Variants in LTAP1 observed in about 807,000 individuals in gnomAD.
LTAP1 encodes the protein HCV NS5A-transactivated protein 4.
chr1:154,218,178 A>G, the LTAP1 span, among the ~76,000 whole-genome samples: 2 of 152,196 alleles, frequency 1.3e-5, no homozygotes, highest in South Asian at 2.1e-4. Flanking sequence ...AATCTTGCAC[A>G]TGTTTCTTGG....
At chr1:154,207,338 G>A in the LTAP1 span, 1 of 922,842 alleles carries the variant, frequency 1.1e-6, no homozygotes. Flanking sequence ...CGGGAACTTG[G>A]ATGGATACAG....
At chr1:154,215,163 T>C in the LTAP1 span, among the ~76,000 whole-genome samples, 1 of 152,094 alleles carries the variant, frequency 6.6e-6, no homozygotes, top group African/African-American at 2.4e-5. Context: ...CTCAGCCTTC[T>C]GAGCAGCTAG....
chr1:154,214,630 A>T, the LTAP1 span: 3 of 1,100,756 alleles, frequency 2.7e-6, no homozygotes, highest in Non-Finnish European at 4.1e-6. Context: ...GCTTTCCACC[A>T]ATGTGAAAAT....
the LTAP1 span, chr1:154,212,471 C>A: frequency 6.2e-7 from 1 of 1,614,152 alleles, no homozygotes; most frequent in Non-Finnish European, 8.5e-7. Flanking sequence ...TGTCCCATAG[C>A]GGGCTGTTTC....
chr1:154,213,923 T>A, the LTAP1 span: 1 of 1,613,150 alleles, frequency 6.2e-7, no homozygotes, highest in Non-Finnish European at 8.5e-7. Context: ...AGAGCTTTCA[T>A]CCTATACAGA....
At chr1:154,207,514 T>C in the LTAP1 span, 10 of 1,614,228 alleles carry the variant, frequency 6.2e-6, no homozygotes, top group African/African-American at 4.0e-5. Flanking sequence ...AAGGAAGTGC[T>C]TGGCACGTTT....
the LTAP1 span, among the ~76,000 whole-genome samples, chr1:154,215,188 A>G: frequency 3.3e-5 from 5 of 151,990 alleles, no homozygotes; most frequent in Non-Finnish European, 7.4e-5. Context: ...ACAGGTATGC[A>G]CCTAGCTAGA....
the LTAP1 span, chr1:154,212,733 C>G: frequency 1.7e-6 from 2 of 1,203,100 alleles, no homozygotes; most frequent in Non-Finnish European, 2.4e-6. Flanking sequence ...GTGATCTTGG[C>G]TCACTGCAAC....
chr1:154,212,544 T>C, the LTAP1 span: 1 of 1,614,180 alleles, frequency 6.2e-7, no homozygotes, highest in South Asian at 1.1e-5. Context: ...GTACTAGTGT[T>C]TCGCAGATCC....
chr1:154,216,953 ATTTT>A, the LTAP1 span, among the ~76,000 whole-genome samples: 5 of 143,112 alleles, frequency 3.5e-5, no homozygotes, highest in Admixed American at 7.0e-5. Context: ...CTGGCCTTAA[ATTTT>A]TTTTTTTTTT....
chr1:154,209,308 C>A, the LTAP1 span, among the ~76,000 whole-genome samples: 1 of 149,724 alleles, frequency 6.7e-6, no homozygotes, highest in African/African-American at 2.5e-5. Flanking sequence ...TAACTGGAAT[C>A]ATCTAGTATT....
the LTAP1 span, chr1:154,220,084 T>C: frequency 1.3e-6 from 1 of 762,034 alleles, no homozygotes; most frequent in Non-Finnish European, 2.1e-6. Context: ...AAGGCCGTTA[T>C]GATGGGGGTG....
the LTAP1 span, chr1:154,214,683 C>A: frequency 4.4e-6 from 3 of 680,544 alleles, no homozygotes; most frequent in South Asian, 2.0e-5. Flanking sequence ...AAATAGAGAC[C>A]ATGCTCATGT....
chr1:154,207,478 T>C, the LTAP1 span: 2 of 1,614,030 alleles, frequency 1.2e-6, no homozygotes, highest in Non-Finnish European at 8.5e-7. Flanking sequence ...CAATGTGTTA[T>C]AGTTATCCTT....
the LTAP1 span, chr1:154,219,990 T>TTG: frequency 1.9e-5 from 28 of 1,443,698 alleles, no homozygotes; most frequent in African/African-American, 3.2e-4. Flanking sequence ...TTGTTTTGTT[T>TTG]TTTTTTTAAA....
At chr1:154,213,824 G>T in the LTAP1 span, 2 of 1,244,766 alleles carry the variant, frequency 1.6e-6, no homozygotes, top group South Asian at 2.5e-5. Context: ...CATACAAAGT[G>T]GGTTCATTAC....
the LTAP1 span, among the ~76,000 whole-genome samples, chr1:154,210,914 A>G: frequency 1.3e-5 from 2 of 152,328 alleles, 1 homozygote; most frequent in Middle Eastern, 6.8e-3. Context: ...CTGTGACACA[A>G]ATGCTCAACA....
At chr1:154,217,267 T>C in the LTAP1 span, among the ~76,000 whole-genome samples, 50 of 152,072 alleles carry the variant, frequency 3.3e-4, no homozygotes, top group Non-Finnish European at 5.7e-4. Flanking sequence ...CAAATATACT[T>C]TATTGAGGTT....
chr1:154,213,963 T>G, the LTAP1 span: 59 of 1,610,380 alleles, frequency 3.7e-5, 2 homozygotes, highest in Middle Eastern at 1.3e-3. Flanking sequence ...AGGAAAAGAC[T>G]GGTGTTAGGC....
Sources: gnomAD v4.1 joint callset for allele counts (sites outside exome capture counted in the v4.1 genomes callset) on GRCh38, gnomAD v4.1.1 for gene constraint, MANE v1.5 for transcripts, NCBI Gene and HGNC (gene_info 2026-07-23, HGNC 2026-07-21) for gene names.